Variants in TP53BP2 observed in about 807,000 individuals in gnomAD.
TP53BP2 encodes tumor protein p53 binding protein 2, also known as apoptosis-stimulating of p53 protein 2.
A neutral mutation model predicts 126.2 loss-of-function variants in TP53BP2; 62 were observed. The observed-to-expected ratio is 0.49, with a 90% CI of 0.40 to 0.61. The LOEUF (loss-of-function observed/expected upper bound fraction) is 0.61. TP53BP2 is among the 20% of genes least tolerant of loss of function. The pLI is 0.00. For synonymous variants in TP53BP2, 485 were observed against 502.9 expected (o/e 0.96, Z 0.48); for missense variants, 1,215 against 1,402.8 (o/e 0.87, Z 2.14).
intron 13 of TP53BP2, among the ~76,000 whole-genome samples, chr1:223,794,741 A>C (rs1662260592): frequency 6.6e-6 from 1 of 152,216 alleles, no homozygotes. Context: ...CTTACGAGGC[A>C]CAGGGTTGTT....
intron 5 of TP53BP2, 41 bp from the exon 6 acceptor site, chr1:223,804,389 A>G: frequency 6.3e-7 from 1 of 1,580,766 alleles, no homozygotes; most frequent in African/African-American, 1.4e-5. Context: ...ATTTTAGGTA[A>G]GTACACCACT....
At chr1:223,830,269 G>C (rs929144752) in intron 1 of TP53BP2, among the ~76,000 whole-genome samples, 5 of 152,128 alleles carry the variant, frequency 3.3e-5, no homozygotes, top group Non-Finnish European at 7.4e-5. Flanking sequence ...CATTTCCTTT[G>C]AGCATCATGT....
Position 223,800,030 on chromosome 1 carries a change from G to C in TP53BP2, c.1354C>G (p.Pro452Ala). The C allele has an allele frequency of 6.2e-7, 1 of 1,608,788 alleles. No homozygotes were observed. Residue 452 changes from proline to alanine, a missense_variant, in exon 11 of 18, where the codon CCG (proline) becomes GCG (alanine). By Grantham distance (27) the Pro-to-Ala change is conservative. This residue lies in a region of TP53BP2 where 814 missense variants were observed against 853.0 expected (regional missense o/e 0.95). Coordinates refer to ENST00000343537, the MANE Select transcript of TP53BP2 (RefSeq NM_001031685.3). ...ALDQVDDGEVPLREKEKKVRP... is the reference protein window; with the variant it reads ...ALDQVDDGEVALREKEKKVRP... ...ACTTTCTTCTCTTTCTCCCTCAGCG[G>C]AACCTCTCCATCATCAACTAAAGAC...
chr1:223,830,061 T>C (rs1366851355), intron 1 of TP53BP2, among the ~76,000 whole-genome samples: 1 of 152,110 alleles, frequency 6.6e-6, no homozygotes, highest in East Asian at 1.9e-4. Flanking sequence ...ACAATACAAA[T>C]ATGAAGACAT....
chr1:223,789,528 CAG>C (rs1662081519), intron 15 of TP53BP2, among the ~76,000 whole-genome samples: 1 of 152,230 alleles, frequency 6.6e-6, no homozygotes, highest in Non-Finnish European at 1.5e-5. Flanking sequence ...CTAATTCTTT[CAG>C]AGTAGAAGCC....
At chr1:223,782,977 G>A (rs939058453) in intron 17 of TP53BP2, among the ~76,000 whole-genome samples, 3 of 152,172 alleles carry the variant, frequency 2.0e-5, no homozygotes, top group African/African-American at 7.2e-5. Context: ...GTGTGGAAGG[G>A]AGAGTCAGGG....
chr1:223,783,144 T>C (rs955212997), intron 17 of TP53BP2, among the ~76,000 whole-genome samples: 1 of 152,232 alleles, frequency 6.6e-6, no homozygotes, highest in South Asian at 2.1e-4. Context: ...GTGGAGGCCA[T>C]GTCCATCCGA....
At chr1:223,791,850 T>TTTA (rs967226565) in intron 15 of TP53BP2, among the ~76,000 whole-genome samples, 16 of 152,164 alleles carry the variant, frequency 1.1e-4, no homozygotes, top group African/African-American at 3.6e-4. Context: ...TATTAGGACC[T>TTTA]TTATTATTAT....
rs146387693 is a variant in TP53BP2, at chr1:223,802,319, T to C, written c.1022A>G (p.Gln341Arg). Residue 341 changes from glutamine (Q) to arginine (R), a missense_variant, in exon 9 of 18, where the codon CAG becomes CGG. This residue lies in a region of TP53BP2 where 814 missense variants were observed against 853.0 expected (regional missense o/e 0.95). Coordinates refer to ENST00000343537, the MANE Select transcript of TP53BP2 (RefSeq NM_001031685.3). ...LPVSSDGNLP[Q>R]QAASAPSRVA... ...ACGGCTTGGGGCTGACGCGGCTTGC[T>C]GGGGAAGATTTCCATCAGATGAAAC... 3 of 1,614,038 alleles carry C rather than the reference T, an allele frequency of 1.9e-6. No homozygotes were observed. The African/African-American group carries it at 4.0e-5, about 22-fold the overall frequency.
At chr1:223,798,907 T>TA (rs1571847908) in intron 11 of TP53BP2, among the ~76,000 whole-genome samples, 1 of 151,846 alleles carries the variant, frequency 6.6e-6, no homozygotes, top group East Asian at 1.9e-4. Context: ...CCGTCTCTAC[T>TA]AAAAAAATAC....
chr1:223,839,748 G>A (rs371085638), intron 1 of TP53BP2, among the ~76,000 whole-genome samples: 48 of 152,214 alleles, frequency 3.2e-4, no homozygotes, highest in African/African-American at 7.5e-4. Context: ...TGGCCAACAT[G>A]GTGAAACTCT....
At chr1:223,821,754 A>G (rs1045942571) in intron 1 of TP53BP2, among the ~76,000 whole-genome samples, 1 of 152,232 alleles carries the variant, frequency 6.6e-6, no homozygotes, top group African/African-American at 2.4e-5. Flanking sequence ...ATTTATGCAC[A>G]GTCTCTTTTT....
At chr1:223,788,164 C>CT (rs1160786588) in intron 16 of TP53BP2, among the ~76,000 whole-genome samples, 1 of 151,994 alleles carries the variant, frequency 6.6e-6, no homozygotes, top group Non-Finnish European at 1.5e-5. Flanking sequence ...TCTGACCCCT[C>CT]TCTCTTCATA....
rs1332663135 is a variant in TP53BP2, at chr1:223,800,643, C to T, written c.1336+57G>A. On this transcript the variant is annotated intron_variant, in intron 10 of 17. Transcript: ENST00000343537. ...AAAATGGACTCTCTAAAAGAATACA[C>T]AGCACCTTTCAGATGACCAAAATTT... 22 of 1,249,642 alleles carry T rather than the reference C, an allele frequency of 1.8e-5. 1 individual carries two copies. In the South Asian group the frequency reaches 2.5e-4, roughly 14 times the overall value. 77.4% of individuals were successfully genotyped at this position (1,249,642 alleles called of 1,614,324 possible). A position where few individuals can be genotyped will look rare whatever the true frequency, so the allele number is the denominator to read the frequency against.
At chr1:223,805,460 G>A (rs193142705) in intron 5 of TP53BP2, among the ~76,000 whole-genome samples, 68 of 152,252 alleles carry the variant, frequency 4.5e-4, no homozygotes, top group African/African-American at 1.2e-3. Context: ...TTTTCAACAC[G>A]ATCCCCAGGT....
intron 11 of TP53BP2, among the ~76,000 whole-genome samples, chr1:223,799,040 C>A (rs1662439632): frequency 6.6e-6 from 1 of 152,198 alleles, no homozygotes; most frequent in South Asian, 2.1e-4. Context: ...CCACTGCGTT[C>A]CAGCCTGGGC....
chr1:223,790,259 T>C (rs927390626), intron 15 of TP53BP2, among the ~76,000 whole-genome samples: 1 of 151,194 alleles, frequency 6.6e-6, no homozygotes, highest in Non-Finnish European at 1.5e-5. Context: ...CTCAAAAAAA[T>C]TTTTATTTTT....
At chr1:223,789,276 G>C in intron 15 of TP53BP2, 102 bp from the exon 16 acceptor site, 1 of 1,361,936 alleles carries the variant, frequency 7.3e-7, no homozygotes. Flanking sequence ...CATCTACCAA[G>C]TTTTCTTCTG....
intron 1 of TP53BP2, among the ~76,000 whole-genome samples, chr1:223,824,676 A>T (rs907638774): frequency 2.4e-4 from 36 of 150,106 alleles, no homozygotes; most frequent in East Asian, 3.9e-4. Flanking sequence ...ATTAATTTTT[A>T]AAAAAAAAAG....
Sources: gnomAD v4.1 joint callset for allele counts (sites outside exome capture counted in the v4.1 genomes callset) on GRCh38, gnomAD v4.1.1 for gene constraint, gnomAD v4.1.1 regional missense constraint, MANE v1.5 for transcripts, NCBI Gene and HGNC (gene_info 2026-07-23, HGNC 2026-07-21) for gene names.